STS: variants seen among roughly 807,000 people sequenced by gnomAD.
STS encodes the protein steroid sulfatase, also known as steryl-sulfatase.
Under a neutral mutation model 26.8 loss-of-function variants are expected in STS, and 7 were observed. The ratio of observed to expected loss-of-function variants is 0.26; its 90% CI spans 0.15 to 0.49. The LOEUF (loss-of-function observed/expected upper bound fraction) is 0.49. STS is among the 20% of genes least tolerant of loss of function. STS has a pLI of 0.98. For missense variants in STS, 434 were observed against 465.6 expected, an observed-to-expected ratio of 0.93 and a Z score of 0.63; for synonymous variants, 199 against 189.4, an observed-to-expected ratio of 1.05 and a Z score of -0.42.
Position 7,272,217 on chromosome X carries a change from CAT to C in STS, c.807-3717_807-3716del, listed in dbSNP as rs372911748. ...CATAGAAGAAAAATTAATTTAATTA[CAT>C]ATATATATATATATATGTAGTCTTC... On this transcript the variant is annotated intron_variant, in intron 6 of 10. Transcript: ENST00000674429. Among the ~76,000 whole-genome samples, 129 of 94,028 alleles carry C rather than the reference CAT, an allele frequency of 1.4e-3. 1 individual carries two copies. The East Asian group carries it at 0.037, about 27-fold the overall frequency. 81.7% of individuals were successfully genotyped at this position (94,028 alleles called of 115,157 possible).
intron 2 of STS, among the ~76,000 whole-genome samples, chrX:7,251,540 A>G (rs1386413364): frequency 5.4e-5 from 6 of 111,653 alleles, no homozygotes; most frequent in African/African-American, 2.0e-4. Context: ...CAGTGCTCCC[A>G]GATACACGGC....
At chrX:7,167,653 A>C (rs1009835403) in intron 1 of STS, among the ~76,000 whole-genome samples, 1 of 111,606 alleles carries the variant, frequency 9.0e-6, no homozygotes, top group Non-Finnish European at 1.9e-5. Context: ...TTGTGCTTGG[A>C]TTCTGCTTTC....
chrX:7,205,991 G>C (rs549209907), intron 2 of STS, among the ~76,000 whole-genome samples: 10 of 110,693 alleles, frequency 9.0e-5, no homozygotes, highest in African/African-American at 3.0e-4. Flanking sequence ...CCAAAGCCGT[G>C]ATTTGATTGT....
At chrX:7,314,706 T>C (rs1926636101) in intron 8 of STS, among the ~76,000 whole-genome samples, 1 of 112,445 alleles carries the variant, frequency 8.9e-6, no homozygotes, top group African/African-American at 3.2e-5. Context: ...AGGCAGGAGA[T>C]TGTGATCCCG....
At position 7,180,700 on chromosome X, in the gene STS, C is replaced by T. The variant is rs139921970; in HGVS notation, c.-133-10180C>T. The stretch of plus-strand genomic sequence containing the variant: ...CTAGGTGTTAATTTAATGAATGTTA[C>T]TGTAGTGTGGGGGAGTGGAAATCAA... On this transcript the variant is annotated intron_variant, in intron 1 of 10. Coordinates refer to ENST00000674429, the MANE Select transcript of STS (RefSeq NM_001320752.2). Among the ~76,000 whole-genome samples the T allele has an allele frequency of 6.5e-3, 729 of 112,299 alleles. 4 individuals are homozygous for T. The highest frequency in any genetic ancestry group is 7.5e-3 in the Non-Finnish European group (399 of 53,278).
At chrX:7,216,134 A>G (rs769051454) in intron 2 of STS, among the ~76,000 whole-genome samples, 4 of 111,893 alleles carry the variant, frequency 3.6e-5, no homozygotes, top group Admixed American at 9.5e-5. Context: ...CAGTGGGGTT[A>G]TCTGCCTTGC....
chrX:7,194,689 T>C (rs1341378434), intron 2 of STS, among the ~76,000 whole-genome samples: 2 of 112,081 alleles, frequency 1.8e-5, no homozygotes, highest in Admixed American at 9.5e-5. Context: ...CTTGTGACAT[T>C]AGAAGCAAGA....
chrX:7,263,901 G>A (rs1481154043), intron 6 of STS, among the ~76,000 whole-genome samples: 1 of 111,345 alleles, frequency 9.0e-6, no homozygotes, highest in African/African-American at 3.3e-5. Context: ...GATTTCCAAG[G>A]GAAGCTATAG....
chrX:7,263,902 G>A (rs1923877019), intron 6 of STS, among the ~76,000 whole-genome samples: 2 of 111,384 alleles, frequency 1.8e-5, no homozygotes, highest in African/African-American at 6.5e-5. Flanking sequence ...ATTTCCAAGG[G>A]AAGCTATAGG....
intron 2 of STS, among the ~76,000 whole-genome samples, chrX:7,249,036 C>T (rs1198013916): frequency 1.8e-5 from 2 of 110,768 alleles, no homozygotes; most frequent in Non-Finnish European, 3.8e-5. Flanking sequence ...TGTATGTCTT[C>T]GGGACCTAAG....
At chrX:7,341,024 C>T (rs1373762700) in intron 10 of STS, among the ~76,000 whole-genome samples, 2 of 111,503 alleles carry the variant, frequency 1.8e-5, no homozygotes, top group East Asian at 5.7e-4. Context: ...CAGAGGAACA[C>T]TCAATGACTG....
rs757540855 is a variant in STS at position 7,206,710 on chromosome X, A to C, written c.-5+15702A>C. Among the ~76,000 whole-genome samples, 3 of 112,237 alleles carry C rather than the reference A, an allele frequency of 2.7e-5. No individual in the cohort carries two copies. The South Asian group carries it at 1.1e-3, about 42-fold the overall frequency. On this transcript the variant is annotated intron_variant, in intron 2 of 10. Transcript: ENST00000674429. ...AAGAGGCATGCAGGTATCTGTATGC[A>C]TAAAATTTAAATCTTAATTTAAGGA...
intron 6 of STS, among the ~76,000 whole-genome samples, chrX:7,264,536 G>A (rs1189629841): frequency 9.0e-6 from 1 of 111,590 alleles, no homozygotes; most frequent in Non-Finnish European, 1.9e-5. Flanking sequence ...ATGACTTCCT[G>A]CAGGTAGACA....
chrX:7,332,794 C>G (rs1254083385), intron 9 of STS, among the ~76,000 whole-genome samples: 1 of 111,944 alleles, frequency 8.9e-6, no homozygotes, highest in Non-Finnish European at 1.9e-5. Flanking sequence ...ATAGAACTCT[C>G]TCTACGGTGT....
At chrX:7,336,967 C>T (rs778259885) in intron 10 of STS, among the ~76,000 whole-genome samples, 10 of 111,269 alleles carry the variant, frequency 9.0e-5, no homozygotes, top group Admixed American at 6.7e-4. Context: ...CAACTGGCCC[C>T]GGGATAAAAT....
chrX:7,327,765 A>G (rs1374682286), intron 9 of STS, among the ~76,000 whole-genome samples: 2 of 111,670 alleles, frequency 1.8e-5, no homozygotes, highest in Non-Finnish European at 3.8e-5. Flanking sequence ...AATAAGTTCA[A>G]TAATAACACT....
rs1414168817 is a variant in STS at position 7,240,552 on chromosome X, T to TATAA, written c.-4-12643_-4-12642insTAAA. 3.3e-3 allele frequency among the ~76,000 whole-genome samples: 301 copies of TATAA among 91,290 alleles called. 3 individuals are homozygous for TATAA. The highest frequency in any genetic ancestry group is 0.012 in the African/African-American group (290 of 24,795). 79.3% of individuals were successfully genotyped at this position (91,290 alleles called of 115,157 possible). A position where few individuals can be genotyped will look rare whatever the true frequency, so the allele number is the denominator to read the frequency against. On this transcript the variant is annotated intron_variant, in intron 2 of 10. Transcript: ENST00000674429. The stretch of plus-strand genomic sequence containing the variant: ...GTGTGTGTATATATATATATATATA[T>TATAA]AAAATGGATCCCTTCTATGATGGCA...
chrX:7,234,833 T>C (rs1337779178), intron 2 of STS, among the ~76,000 whole-genome samples: 2 of 112,153 alleles, frequency 1.8e-5, no homozygotes, highest in Admixed American at 9.4e-5. Context: ...AATATATGTT[T>C]CTAGACGTGT....
At chrX:7,250,087 C>T (rs1337910387) in intron 2 of STS, among the ~76,000 whole-genome samples, 2 of 109,881 alleles carry the variant, frequency 1.8e-5, no homozygotes, top group South Asian at 3.9e-4. Flanking sequence ...ACCACCATGC[C>T]GAGAAAATTT....
Sources: gnomAD v4.1 joint callset for allele counts (sites outside exome capture counted in the v4.1 genomes callset) on GRCh38, gnomAD v4.1.1 for gene constraint, MANE v1.5 for transcripts, NCBI Gene and HGNC (gene_info 2026-07-23, HGNC 2026-07-21) for gene names.